The following SLC37A3 variants were observed in gnomAD, a reference collection of about 807,000 sequenced individuals.
SLC37A3 encodes sugar phosphate exchanger 3.
In SLC37A3, 51 loss-of-function variants were observed where a neutral mutation model predicts 67.1. The observed-to-expected ratio is 0.76, with a 90% CI of 0.61 to 0.96. The LOEUF (loss-of-function observed/expected upper bound fraction) is 0.96. SLC37A3 is among the 40% of genes least tolerant of loss of function. The pLI is 0.00. For missense variants in SLC37A3, 508 were observed against 603.0 expected (o/e 0.84, Z 1.65); for synonymous variants, 214 against 231.4 (o/e 0.92, Z 0.68).
At chr7:140,367,306 G>A (rs1797641246) in intron 4 of SLC37A3, among the ~76,000 whole-genome samples, 1 of 151,852 alleles carries the variant, frequency 6.6e-6, no homozygotes, top group Admixed American at 6.6e-5. Context: ...GCATGATGGT[G>A]TGCACCTGTA....
intron 5 of SLC37A3, among the ~76,000 whole-genome samples, chr7:140,360,469 C>A (rs1797221251): frequency 6.6e-6 from 1 of 152,136 alleles, no homozygotes; most frequent in African/African-American, 2.4e-5. Flanking sequence ...CACGGTGGCT[C>A]ACCCCTGTAA....
rs763993092 is a variant in SLC37A3, at chr7:140,351,457, A to G, written c.704-6T>C. On this transcript the variant is annotated splice_polypyrimidine_tract_variant and splice_region_variant and intron_variant, in intron 8 of 14. Coordinates refer to ENST00000326232, the MANE Select transcript of SLC37A3 (RefSeq NM_207113.3). The stretch of plus-strand genomic sequence containing the variant: ...TGCCTCAATACCCGAGAGACCTAAA[A>G]TAACAGCGACAGCCACTGTTTATGG... 10 of 1,612,444 alleles carry G rather than the reference A, an allele frequency of 6.2e-6. No homozygotes were observed. The African/African-American group carries it at 6.7e-5, about 11-fold the overall frequency.
chr7:140,386,218 T>G (rs6464736), intron 1 of SLC37A3, among the ~76,000 whole-genome samples: 1 of 151,812 alleles, frequency 6.6e-6, no homozygotes, highest in Non-Finnish European at 1.5e-5. Flanking sequence ...CAGGCGCACA[T>G]GCCACCACAT....
chr7:140,339,331 G>A (rs1325739548), intron 13 of SLC37A3, among the ~76,000 whole-genome samples: 1 of 148,808 alleles, frequency 6.7e-6, no homozygotes, highest in Non-Finnish European at 1.5e-5. Context: ...TGTGATCTTG[G>A]CTCACTGCAA....
chr7:140,362,804 G>A (rs1378354230), intron 5 of SLC37A3, among the ~76,000 whole-genome samples: 1 of 81,796 alleles, frequency 1.2e-5, no homozygotes, highest in Non-Finnish European at 2.6e-5. Context: ...CTGGCCAGCC[G>A]CCCCGTCCCG....
intron 11 of SLC37A3, 46 bp downstream of exon 11, chr7:140,345,823 C>T (rs1429434189): frequency 5.5e-6 from 8 of 1,460,112 alleles, no homozygotes; most frequent in Non-Finnish European, 6.7e-6. Flanking sequence ...TTATTCCAAC[C>T]AGATTAGGGG....
chr7:140,348,568 A>T, intron 10 of SLC37A3, 58 bp downstream of exon 10: 1 of 1,538,884 alleles, frequency 6.5e-7, no homozygotes, highest in Non-Finnish European at 8.7e-7. Context: ...TTCACAACCC[A>T]GTAAAAGATC....
At chr7:140,342,196 T>C (rs1796386230) in intron 13 of SLC37A3, among the ~76,000 whole-genome samples, 1 of 152,186 alleles carries the variant, frequency 6.6e-6, no homozygotes, top group Non-Finnish European at 1.5e-5. Flanking sequence ...GTAGTCAAAG[T>C]ATTAACATGG....
At chr7:140,349,098 C>A (rs1323507026) in intron 9 of SLC37A3, among the ~76,000 whole-genome samples, 5 of 152,184 alleles carry the variant, frequency 3.3e-5, no homozygotes, top group Non-Finnish European at 7.3e-5. Flanking sequence ...AGAGCACATA[C>A]CCATATTTCT....
At chr7:140,348,564 A>G in intron 10 of SLC37A3, 62 bp downstream of exon 10, 1 of 1,530,018 alleles carries the variant, frequency 6.5e-7, no homozygotes, top group Non-Finnish European at 8.7e-7. Flanking sequence ...AGATTTCACA[A>G]CCCAGTAAAA....
chr7:140,348,462 C>CTTTTTTTTTTTTTTTT (rs66700092), intron 10 of SLC37A3, 164 bp downstream of exon 10: 1 of 350,166 alleles, frequency 2.9e-6, no homozygotes, highest in African/African-American at 2.8e-5. Context: ...CTTTTCTTTT[C>CTTTTTTTTTTTTTTTT]TTTTTTTTTT....
chr7:140,342,731 T>C (rs567772130), intron 13 of SLC37A3, among the ~76,000 whole-genome samples: 3 of 151,606 alleles, frequency 2.0e-5, no homozygotes, highest in South Asian at 2.1e-4. Flanking sequence ...CCAATCTTAG[T>C]GTAGGGATCT....
intron 1 of SLC37A3, among the ~76,000 whole-genome samples, chr7:140,386,350 G>A (rs549735776): frequency 2.3e-4 from 35 of 152,088 alleles, no homozygotes; most frequent in South Asian, 1.5e-3. Context: ...GACTACAAGC[G>A]TGAGCCACCT....
At chr7:140,391,846 G>A (rs185038620) in intron 1 of SLC37A3, among the ~76,000 whole-genome samples, 13 of 152,214 alleles carry the variant, frequency 8.5e-5, no homozygotes, top group African/African-American at 3.1e-4. Flanking sequence ...ACTGCACAAA[G>A]CCCTCTTCAG....
chr7:140,387,906 T>C (rs1798568941), intron 1 of SLC37A3, among the ~76,000 whole-genome samples: 1 of 129,946 alleles, frequency 7.7e-6, no homozygotes. Flanking sequence ...GAGACTGAGA[T>C]GGGAGGATCA....
In SLC37A3 at chr7:140,370,194, G is replaced by T. The variant is rs150862697; in HGVS notation, c.199-512C>A. On this transcript the variant is annotated intron_variant, in intron 3 of 14. Coordinates refer to ENST00000326232, the MANE Select transcript of SLC37A3 (RefSeq NM_207113.3). ...TATTTTTAATTGACACATAGTAATT[G>T]TACATATTGAGGGAGTACAGTGTGA... 1.2e-3 allele frequency among the ~76,000 whole-genome samples: 185 copies of T among 149,606 alleles called. 3 individuals carry two copies. In the East Asian group the frequency reaches 0.021, roughly 17 times the overall value.
intron 1 of SLC37A3, among the ~76,000 whole-genome samples, chr7:140,389,312 G>C (rs1327442227): frequency 6.6e-6 from 1 of 152,062 alleles, no homozygotes; most frequent in Admixed American, 6.6e-5. Flanking sequence ...GAGATATTTT[G>C]TAGACCCTGC....
intron 4 of SLC37A3, among the ~76,000 whole-genome samples, chr7:140,367,561 G>A (rs562989368): frequency 2.0e-5 from 3 of 152,160 alleles, no homozygotes; most frequent in East Asian, 1.9e-4. Flanking sequence ...ATTAAAAGGC[G>A]TTTTTAATAA....
chr7:140,339,526 G>T (rs1204709183), intron 13 of SLC37A3, among the ~76,000 whole-genome samples: 1 of 152,104 alleles, frequency 6.6e-6, no homozygotes, highest in Non-Finnish European at 1.5e-5. Context: ...CTCCCAAAGT[G>T]CTGGGATAAC....
Sources: allele counts gnomAD v4.1 joint callset (sites outside exome capture counted in the v4.1 genomes callset), GRCh38; gene constraint gnomAD v4.1.1; transcripts MANE v1.5; gene names NCBI Gene and HGNC (gene_info 2026-07-23, HGNC 2026-07-21).